The following ENGASE variants were observed in gnomAD, a reference collection of about 807,000 sequenced individuals.
ENGASE encodes endo-beta-N-acetylglucosaminidase, also known as cytosolic endo-beta-N-acetylglucosaminidase.
Under a neutral mutation model 78.5 loss-of-function variants are expected in ENGASE, and 69 were observed. The ratio of observed to expected loss-of-function variants is 0.88; its 90% CI spans 0.72 to 1.07. The LOEUF (loss-of-function observed/expected upper bound fraction) is 1.07. ENGASE is among the 50% of genes least tolerant of loss of function. The pLI is 0.00. For missense variants in ENGASE, 943 were observed against 988.4 expected, an observed-to-expected ratio of 0.95 and a Z score of 0.62; for synonymous variants, 408 against 408.9, an observed-to-expected ratio of 1.00 and a Z score of 0.03.
rs758524255 is a variant in ENGASE at position 79,080,343 on chromosome 17, C to G, written c.702C>G (p.Ile234Met). 7 of 1,613,624 alleles carry G rather than the reference C, an allele frequency of 4.3e-6. No individual in the cohort carries two copies. The highest frequency in any genetic ancestry group is 2.2e-5 in the South Asian group (2 of 91,074). ...TQFFRFDGWLINIENSLSLAA... is the reference protein window; with the variant it reads ...TQFFRFDGWLMNIENSLSLAA... ...TTTTTCGTTTTGATGGCTGGCTGAT[C>G]AACATCGAGAACTCGCTGAGTGTGA... Residue 234 changes from isoleucine to methionine, a missense_variant, in exon 5 of 14, where the codon ATC (isoleucine) becomes ATG (methionine). Physicochemically the swap from Ile to Met is conservative, Grantham distance 10 (BLOSUM62 1). Coordinates refer to ENST00000579016, the MANE Select transcript of ENGASE (RefSeq NM_001042573.3).
In ENGASE at chr17:79,083,662, G is replaced by A. The variant is rs2073209243; in HGVS notation, c.1251+72G>A. ...GACAGGTGGGAGGAGCCTGGGACTT[G>A]CCAGCAGGCACGGTGGTGGTCTTAC... On this transcript the variant is annotated intron_variant, in intron 9 of 13. Transcript: ENST00000579016. The surrounding 1 kb of genome is among the most constrained non-coding windows in gnomAD (Gnocchi z 4.9). The A allele has an allele frequency of 1.5e-5, 24 of 1,572,490 alleles. No homozygotes were observed. The East Asian group carries it at 5.4e-4, about 35-fold the overall frequency.
chr17:79,077,318 C>A, intron 1 of ENGASE, 112 bp from the exon 2 acceptor site: 1 of 928,844 alleles, frequency 1.1e-6, no homozygotes, highest in South Asian at 1.7e-5. Context: ...TATTAAACAA[C>A]ATAAGGCAGA....
At position 79,081,860 on chromosome 17, in the gene ENGASE, G is replaced by T. The variant is rs776771656; in HGVS notation, c.873-38G>T. Reference sequence around the variant, plus strand: ...TTGGTGGGGGTGGCCCCATCCTTCTGGGCCTGGGCCTCACAGCAGGTCCTT... The same window carrying T: ...TTGGTGGGGGTGGCCCCATCCTTCTTGGCCTGGGCCTCACAGCAGGTCCTT... On this transcript the variant is annotated intron_variant, in intron 6 of 13. Coordinates refer to ENST00000579016, the MANE Select transcript of ENGASE (RefSeq NM_001042573.3). The T allele has an allele frequency of 3.7e-5, 58 of 1,581,344 alleles. 1 individual carries two copies. In the South Asian group the frequency reaches 6.6e-4, roughly 18 times the overall value.
intron 6 of ENGASE, 57 bp downstream of exon 6, chr17:79,081,130 G>A (rs1428452358): frequency 1.6e-6 from 2 of 1,222,756 alleles, no homozygotes; most frequent in Non-Finnish European, 1.1e-6. Context: ...GGCGGGTACT[G>A]TGAGGGGTGG....
chr17:79,085,923 C>T lies in ENGASE; in HGVS notation c.1816-10C>T. The stretch of plus-strand genomic sequence containing the variant: ...GGCGTCCAGCCGTGCTGAGCCTTCT[C>T]TCCTGCCAGGTGGTGGACGCTGCCA... On this transcript the variant is annotated splice_polypyrimidine_tract_variant and intron_variant, in intron 13 of 13. Coordinates refer to ENST00000579016, the MANE Select transcript of ENGASE (RefSeq NM_001042573.3). The T allele has an allele frequency of 1.3e-6, 2 of 1,590,338 alleles. No homozygotes were observed. The highest frequency in any genetic ancestry group is 1.7e-6 in the Non-Finnish European group (2 of 1,172,410).
At chr17:79,076,095 G>A (rs2072961624) in intron 1 of ENGASE, among the ~76,000 whole-genome samples, 1 of 152,176 alleles carries the variant, frequency 6.6e-6, no homozygotes, top group Non-Finnish European at 1.5e-5. Flanking sequence ...TTTGGTGATG[G>A]CAGATGCTAC....
intron 3 of ENGASE, 45 bp downstream of exon 3, chr17:79,077,909 T>G: frequency 6.5e-7 from 1 of 1,530,832 alleles, no homozygotes; most frequent in Non-Finnish European, 8.9e-7. Flanking sequence ...TTGTTCTCCT[T>G]TGCTGGGGTG....
At position 79,086,290 on chromosome 17, in the gene ENGASE, T is replaced by A. The variant is rs1268465534; in HGVS notation, c.2173T>A (p.Phe725Ile). The A allele has an allele frequency of 6.2e-7, 1 of 1,613,404 alleles. No individual in the cohort carries two copies. Among genetic ancestry groups the A allele is most frequent in the African/African-American group, 1.3e-5 (1 of 74,894 alleles). The change falls in exon 14 of 14, where the codon TTC becomes ATC. Residue 725 changes from phenylalanine to isoleucine, a missense_variant. Phe to Ile is a conservative substitution (Grantham distance 21, BLOSUM62 0). Coordinates refer to ENST00000579016, the MANE Select transcript of ENGASE (RefSeq NM_001042573.3). ...FLVEPVPKEG[F>I]RVPQAEWGRA... ...GGTGGAGCCTGTCCCCAAGGAAGGG[T>A]TCCGGGTACCTCAGGCCGAGTGGGG...
Position 79,074,955 on chromosome 17 carries a change from C to T in ENGASE, c.11C>T (p.Ala4Val), listed in dbSNP as rs1189987133. The change falls in exon 1 of 14, where the codon GCG (alanine) becomes GTG (valine). Residue 4 changes from alanine to valine, a missense_variant. Ala to Val is a moderately conservative substitution (Grantham distance 64). Transcript: ENST00000579016. The part of the protein sequence containing the change: MEA[A>V]AVTVTRSATR... ...TGCGCGGACAGTGTCATGGAGGCCG[C>T]GGCGGTGACGGTCACCCGGTCGGCT... 7.9e-7 allele frequency: 1 copy of T among 1,257,870 alleles called. No individual in the cohort carries two copies. The highest frequency in any genetic ancestry group is 1.0e-6 in the Non-Finnish European group (1 of 1,001,708). 77.9% of individuals were successfully genotyped at this position (1,257,870 alleles called of 1,614,324 possible).
In ENGASE at chr17:79,080,845, T is replaced by C. The variant is rs911342008; in HGVS notation, c.724-80T>C. On this transcript the variant is annotated intron_variant, in intron 5 of 13. Transcript: ENST00000579016. ...TGGGTCTGTTTGCTCTGCATCCCCC[T>C]GTCTGTCCAGCGCTGGATACTTCTC... The C allele has an allele frequency of 1.0e-4, 151 of 1,480,566 alleles. 1 individual carries two copies. In the East Asian group the frequency reaches 5.8e-3, roughly 57 times the overall value. The allele number at this position is 1,480,566 out of a possible 1,614,324, so 91.7% of individuals were successfully genotyped here. A position where few individuals can be genotyped will look rare whatever the true frequency, so the allele number is the denominator to read the frequency against.
intron 3 of ENGASE, among the ~76,000 whole-genome samples, chr17:79,078,353 A>G (rs972085410): frequency 6.6e-6 from 1 of 152,226 alleles, no homozygotes; most frequent in Non-Finnish European, 1.5e-5. Flanking sequence ...AAAATAAAAA[A>G]TAAAAAAAGG....
chr17:79,086,239 G>A lies in ENGASE; in HGVS notation c.2122G>A (p.Gly708Ser), dbSNP rs375915011. The A allele has an allele frequency of 1.1e-5, 17 of 1,613,530 alleles. No homozygotes were observed. The highest frequency in any genetic ancestry group is 9.3e-5 in the African/African-American group (7 of 75,054). ...CCTGCTGGTGGAAGCCGCCGGGCCCGGCCAGGATCGTCGCATGGAATTTCT... is the reference window on the plus strand; with the variant it reads ...CCTGCTGGTGGAAGCCGCCGGGCCCAGCCAGGATCGTCGCATGGAATTTCT... The part of the protein sequence containing the change: ...VDLLVEAAGP[G>S]QDRRMEFLVE... Residue 708 changes from glycine (G) to serine (S), a missense_variant, in exon 14 of 14, where the codon GGC (glycine) becomes AGC (serine). Coordinates refer to ENST00000579016, the MANE Select transcript of ENGASE (RefSeq NM_001042573.3).
chr17:79,075,103 G>A lies in ENGASE; in HGVS notation c.146+13G>A, dbSNP rs1360186729. 1.7e-6 allele frequency: 2 copies of A among 1,206,936 alleles called. No homozygotes were observed. The highest frequency in any genetic ancestry group is 3.4e-5 in the East Asian group (1 of 29,542). 74.8% of individuals were successfully genotyped at this position (1,206,936 alleles called of 1,614,324 possible). On this transcript the variant is annotated intron_variant, in intron 1 of 13. Transcript: ENST00000579016. ...GGCCGGGAAGGAGGTGGGGCTGCGG[G>A]GCCCGCGTGAACCCCGATCCGCGGG...
intron 3 of ENGASE, among the ~76,000 whole-genome samples, chr17:79,078,878 A>G (rs1207029373): frequency 1.3e-5 from 2 of 152,164 alleles, no homozygotes; most frequent in Admixed American, 6.5e-5. Context: ...GGACTTTGAC[A>G]CGAGACTTCC....
chr17:79,082,874 C>T lies in ENGASE; in HGVS notation c.1039-146C>T, dbSNP rs539735321. 5.8e-4 allele frequency: 911 copies of T among 1,572,916 alleles called. 3 individuals are homozygous for T. The African/African-American group carries it at 0.011, about 19-fold the overall frequency. ...CGACGGGGGTGATGCCCAGCAGCCT[C>T]CAGGTGCATCTAGGAGGGAGGGGTT... On this transcript the variant is annotated intron_variant, in intron 7 of 13. Transcript: ENST00000579016.
At chr17:79,085,836 A>G in intron 13 of ENGASE, 97 bp from the exon 14 acceptor site, 1 of 1,593,174 alleles carries the variant, frequency 6.3e-7, no homozygotes, top group South Asian at 1.1e-5. Flanking sequence ...TCAGCGGGGA[A>G]CTGGGGTGGA....
Position 79,083,151 on chromosome 17 carries a change from T to C in ENGASE, c.1142+28T>C, listed in dbSNP as rs1244760885. 6.6e-7 allele frequency: 1 copy of C among 1,507,496 alleles called. No homozygotes were observed. The highest frequency in any genetic ancestry group is 9.2e-7 in the Non-Finnish European group (1 of 1,086,518). 93.4% of individuals were successfully genotyped at this position (1,507,496 alleles called of 1,614,324 possible). A position where few individuals can be genotyped will look rare whatever the true frequency, so the allele number is the denominator to read the frequency against. On this transcript the variant is annotated intron_variant, in intron 8 of 13. Coordinates refer to ENST00000579016, the MANE Select transcript of ENGASE (RefSeq NM_001042573.3). The surrounding 1 kb of genome is among the most constrained non-coding windows in gnomAD (Gnocchi z 4.9). The stretch of plus-strand genomic sequence containing the variant: ...GAGTCCTGCTGTCCTGGGTGCTTAG[T>C]GCAGGCTGATGGGAGGGAGGGGTTT...
In ENGASE at chr17:79,081,096, T is replaced by A. The variant is rs1599339467; in HGVS notation, c.872+23T>A. The A allele has an allele frequency of 4.2e-6, 5 of 1,196,612 alleles. No individual in the cohort carries two copies. The South Asian group carries it at 4.8e-5, about 11-fold the overall frequency. The allele number at this position is 1,196,612 out of a possible 1,614,324, so 74.1% of individuals were successfully genotyped here. ...CAGGTGAGCCTGCAGACAGGTGCTG[T>A]GAGGGGGCAGGTGCCGTGGTGGGGG... On this transcript the variant is annotated intron_variant, in intron 6 of 13. Coordinates refer to ENST00000579016, the MANE Select transcript of ENGASE (RefSeq NM_001042573.3).
chr17:79,084,513 C>T, intron 10 of ENGASE, 25 bp from the exon 11 acceptor site: 5 of 1,547,972 alleles, frequency 3.2e-6, no homozygotes, highest in Non-Finnish European at 4.3e-6. Flanking sequence ...CTCCACGGCA[C>T]CCATCACAGG....
Sources: allele counts gnomAD v4.1 joint callset (sites outside exome capture counted in the v4.1 genomes callset), GRCh38; gene constraint gnomAD v4.1.1; non-coding constraint Gnocchi (gnomAD v3.1); transcripts MANE v1.5; gene names NCBI Gene and HGNC (gene_info 2026-07-23, HGNC 2026-07-21).